The following ABI2 variants were observed in gnomAD, a reference collection of about 807,000 sequenced individuals.
ABI2 encodes abelson interactor 2.
In ABI2, 25 loss-of-function variants were observed where a neutral mutation model predicts 59.2. That is an observed-to-expected ratio of 0.42 (90% CI 0.31 to 0.59). The LOEUF is 0.59. Ranked by LOEUF, ABI2 falls within the 20% of genes least tolerant of loss-of-function variation. ABI2 has a pLI of 0.14. For synonymous variants in ABI2, 213 were observed against 235.5 expected (o/e 0.90, Z 0.87); for missense variants, 545 against 681.8 (o/e 0.80, Z 2.23).
rs553829611 is a variant in ABI2 at position 203,392,965 on chromosome 2, T to C, written c.579-1735T>C. ...TAGTCACCACATTTTGTTCCTTTGC[T>C]CCTTTTTTTTTTAAAAAAAATCTTA... On this transcript the variant is annotated intron_variant, in intron 5 of 11. Transcript: ENST00000261018. 6.1e-3 allele frequency among the ~76,000 whole-genome samples: 519 copies of C among 84,942 alleles called. 3 individuals carry two copies. The highest frequency in any genetic ancestry group is 0.013 in the Non-Finnish European group (413 of 31,046). 55.7% of individuals were successfully genotyped at this position (84,942 alleles called of 152,430 possible).
At chr2:203,368,984 ATTTTTTTTTTTTTTTTT>A (rs71007508) in intron 2 of ABI2, among the ~76,000 whole-genome samples, 4 of 91,118 alleles carry the variant, frequency 4.4e-5, no homozygotes, top group East Asian at 3.3e-4. Context: ...TGCTTGGCTG[ATTTTTTTTTTTTTTTTT>A]TTTTTTTTTT....
intron 2 of ABI2, among the ~76,000 whole-genome samples, chr2:203,376,529 G>A (rs1466197927): frequency 6.6e-6 from 1 of 152,080 alleles, no homozygotes; most frequent in Admixed American, 6.5e-5. Flanking sequence ...GATATAAAAA[G>A]CAACAACAAA....
rs1285835913 is a variant in ABI2, at chr2:203,328,616, GAAC to G, written c.106_108del (p.Asn36del). 1 of 1,602,666 alleles carries G rather than the reference GAAC, an allele frequency of 6.2e-7. No homozygotes were observed. Among genetic ancestry groups the G allele is most frequent in the South Asian group, 1.1e-5 (1 of 90,296 alleles). On this transcript the variant is annotated inframe_deletion, in exon 1 of 12. Coordinates refer to ENST00000261018, the MANE Select transcript of ABI2 (RefSeq NM_001375670.1). ...TGGAACGGGTGGCCGATTACTGCGA[GAAC>G]AACTACATACAGGTGCGAAGCATCC... is the stretch of plus-strand genomic sequence containing the variant.
rs932615509 is a variant in ABI2, at chr2:203,430,507, A to G, written c.*3155A>G. 6.6e-6 allele frequency: 1 copy of G among 152,254 alleles called. No homozygotes were observed. Among genetic ancestry groups the G allele is most frequent in the African/African-American group, 2.4e-5 (1 of 41,456 alleles). The allele number at this position is 152,254 out of a possible 1,614,324, so 9.4% of individuals were successfully genotyped here. A position where few individuals can be genotyped will look rare whatever the true frequency, so the allele number is the denominator to read the frequency against. ...ATTGTTGCCTTTGAACTTACGGCCA[A>G]GGCAATAAATCAGAAACAAAAATAG... is the stretch of plus-strand genomic sequence containing the variant. On this transcript the variant is annotated 3_prime_UTR_variant, in exon 12 of 12. Transcript: ENST00000261018.
At chr2:203,328,679 G>A in intron 1 of ABI2, 48 bp downstream of exon 1, 2 of 1,370,782 alleles carry the variant, frequency 1.5e-6, no homozygotes, top group East Asian at 5.7e-5. Context: ...CCCCGCCGGG[G>A]GCCGCGCGCC....
chr2:203,375,334 C>T (rs1236399638), intron 2 of ABI2, among the ~76,000 whole-genome samples: 1 of 152,134 alleles, frequency 6.6e-6, no homozygotes. Flanking sequence ...GCTAGCAGAA[C>T]ACATTTTTTA....
rs1463727564 is a variant in ABI2 at position 203,394,564 on chromosome 2, A to C, written c.579-136A>C. The C allele has an allele frequency of 8.6e-6, 7 of 811,122 alleles. No homozygotes were observed. In the South Asian group the frequency reaches 1.1e-4, roughly 12 times the overall value. The allele number at this position is 811,122 out of a possible 1,614,324, so 50.2% of individuals were successfully genotyped here. A position where few individuals can be genotyped will look rare whatever the true frequency, so the allele number is the denominator to read the frequency against. On this transcript the variant is annotated intron_variant, in intron 5 of 11. Coordinates refer to ENST00000261018, the MANE Select transcript of ABI2 (RefSeq NM_001375670.1). ...AGAAGTGATACATTAGTAAAGACTGAAATTGGTAGCTGGGTTATGTTAAAA... is the reference window on the plus strand; with the variant it reads ...AGAAGTGATACATTAGTAAAGACTGCAATTGGTAGCTGGGTTATGTTAAAA...
At chr2:203,402,835 G>A in intron 9 of ABI2, 101 bp downstream of exon 9, 2 of 932,822 alleles carry the variant, frequency 2.1e-6, no homozygotes, top group Non-Finnish European at 3.0e-6. Flanking sequence ...TAGGTGGTTA[G>A]CACCATTTGT....
intron 1 of ABI2, among the ~76,000 whole-genome samples, chr2:203,343,257 G>A (rs549071986): frequency 2.0e-5 from 3 of 152,240 alleles, no homozygotes; most frequent in Admixed American, 2.0e-4. Context: ...CCAGCTACTC[G>A]GGAGGTTGAA....
At chr2:203,411,449 C>T in intron 10 of ABI2, 78 bp downstream of exon 10, 1 of 1,103,152 alleles carries the variant, frequency 9.1e-7, no homozygotes, top group Non-Finnish European at 1.4e-6. Context: ...ACTGGATAGT[C>T]ATTCATTTGC....
chr2:203,405,296 C>T (rs1302157728), intron 9 of ABI2, among the ~76,000 whole-genome samples: 2 of 152,098 alleles, frequency 1.3e-5, no homozygotes, highest in Non-Finnish European at 2.9e-5. Flanking sequence ...TTTAACTAAA[C>T]CATTTTCTTG....
intron 4 of ABI2, among the ~76,000 whole-genome samples, chr2:203,389,438 C>G (rs571745090): frequency 6.6e-6 from 1 of 152,258 alleles, no homozygotes; most frequent in East Asian, 1.9e-4. Context: ...CTTGCCTATT[C>G]AAATAACAGG....
At chr2:203,389,656 G>T (rs1671557516) in intron 4 of ABI2, among the ~76,000 whole-genome samples, 1 of 152,178 alleles carries the variant, frequency 6.6e-6, no homozygotes, top group South Asian at 2.1e-4. Context: ...TTTTAGAAAA[G>T]TTGAGGTCCT....
chr2:203,386,040 G>C (rs533412183), intron 4 of ABI2, among the ~76,000 whole-genome samples: 9 of 152,028 alleles, frequency 5.9e-5, no homozygotes, highest in Non-Finnish European at 1.2e-4. Context: ...TTCCTCAGAG[G>C]ATCTTTTGGT....
At chr2:203,402,395 CTGCTTTTG>C (rs2097260810) in intron 8 of ABI2, among the ~76,000 whole-genome samples, 173 bp from the exon 9 acceptor site, 1 of 152,174 alleles carries the variant, frequency 6.6e-6, no homozygotes, top group Non-Finnish European at 1.5e-5. Context: ...GTTTGCTTTT[CTGCTTTTG>C]TACTCTGATA....
chr2:203,406,807 G>A (rs2097444662), intron 9 of ABI2, among the ~76,000 whole-genome samples: 1 of 152,118 alleles, frequency 6.6e-6, no homozygotes, highest in Non-Finnish European at 1.5e-5. Flanking sequence ...GGAACTACAG[G>A]TGTGTGCCAC....
At chr2:203,398,667 TATC>T (rs995884861) in intron 8 of ABI2, among the ~76,000 whole-genome samples, 16 of 152,362 alleles carry the variant, frequency 1.1e-4, no homozygotes, top group Admixed American at 9.8e-4. Flanking sequence ...AGAACAGTCC[TATC>T]ATCGCAAAAA....
chr2:203,351,536 T>TG (rs1391584345), intron 1 of ABI2: 4 of 432,800 alleles, frequency 9.2e-6, no homozygotes, highest in African/African-American at 4.2e-5. Context: ...TGTTTAGTTT[T>TG]TTTTTTTTTT....
chr2:203,355,923 T>G (rs2091755891), intron 1 of ABI2, among the ~76,000 whole-genome samples: 1 of 151,462 alleles, frequency 6.6e-6, no homozygotes, highest in Non-Finnish European at 1.5e-5. Context: ...AGATGTAGAA[T>G]TATAGATTGG....
Sources: allele counts gnomAD v4.1 joint callset (sites outside exome capture counted in the v4.1 genomes callset), GRCh38; gene constraint gnomAD v4.1.1; transcripts MANE v1.5; gene names NCBI Gene and HGNC (gene_info 2026-07-23, HGNC 2026-07-21).